Variants in ELAVL2 observed in about 807,000 individuals in gnomAD.
ELAVL2 encodes the protein ELAV-like protein 2.
A neutral mutation model predicts 34.6 loss-of-function variants in ELAVL2; 4 were observed. The observed-to-expected ratio is 0.12, with a 90% CI of 0.06 to 0.26. The LOEUF is 0.26. Among genes scored for constraint, ELAVL2 ranks in the 10% least tolerant of loss-of-function variants. The pLI is 1.00. For synonymous variants in ELAVL2, 193 were observed against 154.8 expected (o/e 1.25, Z -1.83); for missense variants, 432 against 442.8 (o/e 0.98, Z 0.22).
intron 1 of ELAVL2, among the ~76,000 whole-genome samples, chr9:23,774,203 G>A (rs1203809952): frequency 1.0e-5 from 1 of 98,458 alleles, no homozygotes; most frequent in African/African-American, 4.4e-5. Flanking sequence ...AAGTGCGAGA[G>A]ACTCCATCTC....
chr9:23,730,969 A>T (rs935889945), intron 3 of ELAVL2, 53 bp downstream of exon 3: 11 of 1,504,218 alleles, frequency 7.3e-6, no homozygotes, highest in Non-Finnish European at 1.0e-5. Context: ...AATAAATCTT[A>T]ATTTTTTTAA....
Position 23,804,173 on chromosome 9 carries a change from A to AT in ELAVL2, c.-16+21632dup, listed in dbSNP as rs200046594. ...TAAAAGATGGATTTATTATTTATTT[A>AT]TTTATTTATTTTTTTTTTGAGACGG... On this transcript the variant is annotated intron_variant, in intron 1 of 6. Transcript: ENST00000397312. 5.3e-3 allele frequency among the ~76,000 whole-genome samples: 790 copies of AT among 148,554 alleles called. 5 individuals are homozygous for AT. The highest frequency in any genetic ancestry group is 0.015 in the Admixed American group (220 of 14,684).
intron 5 of ELAVL2, among the ~76,000 whole-genome samples, chr9:23,699,176 C>G (rs1001052915): frequency 6.6e-6 from 1 of 152,182 alleles, no homozygotes; most frequent in African/African-American, 2.4e-5. Flanking sequence ...TAAGAACATC[C>G]TGTAAAGCTT....
At chr9:23,815,817 C>T (rs544541215) in intron 1 of ELAVL2, among the ~76,000 whole-genome samples, 7 of 152,224 alleles carry the variant, frequency 4.6e-5, no homozygotes, top group African/African-American at 1.4e-4. Flanking sequence ...ATTGGCCGCA[C>T]GGGCACGGTG....
intron 1 of ELAVL2, among the ~76,000 whole-genome samples, chr9:23,812,749 T>TA (rs2063176659): frequency 3.9e-5 from 5 of 126,894 alleles, no homozygotes; most frequent in African/African-American, 5.6e-5. Context: ...ACTCCAAATA[T>TA]CAAAAAAAAA....
rs374682419 is a variant in ELAVL2, at chr9:23,741,190, GAGA to G, written c.230-10068_230-10066del. The stretch of plus-strand genomic sequence containing the variant: ...AACAAATTAAGGTAATAGGAACATG[GAGA>G]AGAACAAATTTGTAAAGAAGTATAA... On this transcript the variant is annotated intron_variant, in intron 2 of 6. Transcript: ENST00000397312. Among the ~76,000 whole-genome samples, 79 of 152,278 alleles carry G rather than the reference GAGA, an allele frequency of 5.2e-4. No individual in the cohort carries two copies. The East Asian group carries it at 0.012, about 23-fold the overall frequency.
intron 1 of ELAVL2, among the ~76,000 whole-genome samples, chr9:23,766,760 G>A (rs907563550): frequency 7.2e-5 from 11 of 152,004 alleles, no homozygotes; most frequent in African/African-American, 2.7e-4. Context: ...CTTTATGCTG[G>A]CCAACAATTC....
At chr9:23,712,073 T>C (rs927482764) in intron 3 of ELAVL2, among the ~76,000 whole-genome samples, 4 of 152,090 alleles carry the variant, frequency 2.6e-5, no homozygotes, top group Non-Finnish European at 5.9e-5. Flanking sequence ...ATGGTGCTGA[T>C]AGGAGGCTGT....
chr9:23,828,067 G>T (rs2138723698), upstream of ELAVL2, among the ~76,000 whole-genome samples: 1 of 152,254 alleles, frequency 6.6e-6, no homozygotes, highest in East Asian at 1.9e-4. Context: ...AAAGCACTTT[G>T]AAGAAATGGA....
chr9:23,792,406 T>C (rs2060431289), intron 1 of ELAVL2, among the ~76,000 whole-genome samples: 1 of 152,220 alleles, frequency 6.6e-6, no homozygotes, highest in African/African-American at 2.4e-5. Flanking sequence ...CATCTATCCA[T>C]AACTGCTAAT....
At chr9:23,743,087 T>G (rs955605978) in intron 2 of ELAVL2, among the ~76,000 whole-genome samples, 1 of 152,174 alleles carries the variant, frequency 6.6e-6, no homozygotes, top group African/African-American at 2.4e-5. Context: ...GAAATTGAGC[T>G]GTACATGGTT....
chr9:23,809,314 A>G (rs550912632), intron 1 of ELAVL2, among the ~76,000 whole-genome samples: 9 of 152,166 alleles, frequency 5.9e-5, no homozygotes, highest in Admixed American at 2.0e-4. Flanking sequence ...ATTTGCAGAG[A>G]TAAGAAATCA....
At chr9:23,704,156 TCCCAGCCTCAGGTGATCCGCCCTCC>T (rs1456158008) in intron 4 of ELAVL2, among the ~76,000 whole-genome samples, 1 of 151,930 alleles carries the variant, frequency 6.6e-6, no homozygotes, top group Non-Finnish European at 1.5e-5. Flanking sequence ...GGTCTTGAAC[TCCCAGCCTCAGGTGATCCGCCCTCC>T]TTGGCCTCCC....
chr9:23,696,929 T>A (rs953938453), intron 5 of ELAVL2, among the ~76,000 whole-genome samples: 3 of 151,364 alleles, frequency 2.0e-5, no homozygotes, highest in African/African-American at 7.3e-5. Flanking sequence ...AAATAAAATA[T>A]AAAATAAATA....
intron 3 of ELAVL2, among the ~76,000 whole-genome samples, 190 bp downstream of exon 3, chr9:23,730,832 A>T (rs1298536010): frequency 6.6e-6 from 1 of 152,126 alleles, no homozygotes; most frequent in Non-Finnish European, 1.5e-5. Flanking sequence ...TTGCGAATAC[A>T]TGAATGATTA....
Position 23,692,219 on chromosome 9 carries a change from C to T in ELAVL2, c.*338G>A, listed in dbSNP as rs894798448. 5.2e-6 allele frequency: 1 copy of T among 190,590 alleles called. No homozygotes were observed. The highest frequency in any genetic ancestry group is 5.3e-5 in the Admixed American group (1 of 18,692). The allele number at this position is 190,590 out of a possible 1,614,324, so 11.8% of individuals were successfully genotyped here. ...TTACAACACAAAGCCTCAATATTTACTCACAGGTTCAAGGCAGTTATGTAA... is the reference window on the plus strand; with the variant it reads ...TTACAACACAAAGCCTCAATATTTATTCACAGGTTCAAGGCAGTTATGTAA... On this transcript the variant is annotated 3_prime_UTR_variant, in exon 7 of 7. Coordinates refer to ENST00000397312, the MANE Select transcript of ELAVL2 (RefSeq NM_004432.5).
intron 2 of ELAVL2, among the ~76,000 whole-genome samples, chr9:23,756,026 T>C (rs531432967): frequency 6.6e-6 from 1 of 152,280 alleles, no homozygotes; most frequent in South Asian, 2.1e-4. Context: ...AGGTTCCCAT[T>C]AGTCTAATAA....
At chr9:23,751,234 C>T (rs575903973) in intron 2 of ELAVL2, among the ~76,000 whole-genome samples, 3 of 152,136 alleles carry the variant, frequency 2.0e-5, no homozygotes, top group South Asian at 2.1e-4. Context: ...ACAAAAAGTA[C>T]AATGATGAGA....
At chr9:23,771,050 A>G (rs2057216155) in intron 1 of ELAVL2, among the ~76,000 whole-genome samples, 1 of 152,192 alleles carries the variant, frequency 6.6e-6, no homozygotes, top group Non-Finnish European at 1.5e-5. Context: ...AAAGAGTAGC[A>G]TGTGGCTACT....
Sources: gnomAD v4.1 joint callset for allele counts (sites outside exome capture counted in the v4.1 genomes callset) on GRCh38, gnomAD v4.1.1 for gene constraint, MANE v1.5 for transcripts, NCBI Gene and HGNC (gene_info 2026-07-23, HGNC 2026-07-21) for gene names.